C10orf90: variants seen among roughly 807,000 people sequenced by gnomAD.
The protein encoded by C10orf90 is chromosome 10 open reading frame 90.
C10orf90 carries 56 observed loss-of-function variants against 62.5 expected under a neutral mutation model. The observed-to-expected ratio is 0.90, with a 90% confidence interval of 0.72 to 1.12. C10orf90 has a LOEUF of 1.12. Ranked by LOEUF, C10orf90 falls within the 50% of genes most tolerant of loss-of-function variation. The pLI, the probability that C10orf90 is intolerant of heterozygous loss-of-function variation, is 0.00. For missense variants in C10orf90, 970 were observed against 880.4 expected, an observed-to-expected ratio of 1.10 and a Z score of -1.29; for synonymous variants, 386 against 340.4, an observed-to-expected ratio of 1.13 and a Z score of -1.47.
chr10:126,652,313 C>T (rs1257092194), intron 1 of C10orf90, among the ~76,000 whole-genome samples: 2 of 152,108 alleles, frequency 1.3e-5, no homozygotes, highest in Non-Finnish European at 2.9e-5. Context: ...TCTCAATTGC[C>T]TTTTATTACT....
At chr10:126,668,733 G>T (rs1279268504) in intron 1 of C10orf90, among the ~76,000 whole-genome samples, 1 of 152,254 alleles carries the variant, frequency 6.6e-6, no homozygotes, top group East Asian at 1.9e-4. Flanking sequence ...CAGCCCATCA[G>T]ACTGATTGTG....
chr10:126,602,170 G>A (rs1845211110), intron 2 of C10orf90, among the ~76,000 whole-genome samples: 1 of 152,162 alleles, frequency 6.6e-6, no homozygotes, highest in African/African-American at 2.4e-5. Flanking sequence ...AAGCCCTTCT[G>A]ATGAATCACA....
intron 5 of C10orf90, 78 bp downstream of exon 5, chr10:126,464,618 G>T: frequency 7.1e-7 from 1 of 1,410,548 alleles, no homozygotes; most frequent in East Asian, 2.3e-5. Flanking sequence ...CAGTATGCAC[G>T]AGGTCCAGGT....
intron 2 of C10orf90, among the ~76,000 whole-genome samples, chr10:126,553,500 A>C (rs1165756777): frequency 6.6e-6 from 1 of 152,206 alleles, no homozygotes; most frequent in Non-Finnish European, 1.5e-5. Flanking sequence ...GATCATAATG[A>C]TGCTGAAAAA....
chr10:126,606,694 C>G (rs559111725), intron 2 of C10orf90, among the ~76,000 whole-genome samples: 10 of 152,082 alleles, frequency 6.6e-5, no homozygotes, highest in Non-Finnish European at 8.8e-5. Flanking sequence ...AGTGGGGCCC[C>G]GGATGAAAGT....
At chr10:126,431,429 TC>T (rs1240473735) in intron 7 of C10orf90, among the ~76,000 whole-genome samples, 1 of 152,096 alleles carries the variant, frequency 6.6e-6, no homozygotes, top group Non-Finnish European at 1.5e-5. Context: ...CCAAGATGCT[TC>T]CCAGTATCCA....
At chr10:126,474,622 C>G (rs111728516) in intron 4 of C10orf90, among the ~76,000 whole-genome samples, 3 of 152,006 alleles carry the variant, frequency 2.0e-5, no homozygotes, top group Non-Finnish European at 2.9e-5. Context: ...AAAGAAATAT[C>G]GCAAGTATGA....
chr10:126,507,313 C>T (rs538345080), intron 3 of C10orf90, among the ~76,000 whole-genome samples: 63 of 143,220 alleles, frequency 4.4e-4, no homozygotes, highest in African/African-American at 1.3e-3. Flanking sequence ...GCCAAGATCG[C>T]GCCACTGCAC....
At position 126,531,330 on chromosome 10, in the gene C10orf90, C is replaced by T. The variant is rs1864090007; in HGVS notation, c.314-17391G>A. Among the ~76,000 whole-genome samples the T allele has an allele frequency of 4.6e-5, 7 of 152,162 alleles. No homozygotes were observed. In the South Asian group the frequency reaches 1.4e-3, roughly 31 times the overall value. On this transcript the variant is annotated intron_variant, in intron 2 of 9. Coordinates refer to ENST00000488181, the MANE Select transcript of C10orf90 (RefSeq NM_001350921.2). ...TTGTCACCTTTGTGGGAGAATGCAACTGGCATTGGTGGGTAGACGCTAAAG... is the reference window on the plus strand; with the variant it reads ...TTGTCACCTTTGTGGGAGAATGCAATTGGCATTGGTGGGTAGACGCTAAAG...
chr10:126,574,903 C>T (rs896513531), intron 2 of C10orf90, among the ~76,000 whole-genome samples: 24 of 152,218 alleles, frequency 1.6e-4, no homozygotes, highest in African/African-American at 5.8e-4. Context: ...CAGCAAATTT[C>T]ATTTCTCTTG....
chr10:126,452,193 TTTTA>T (rs1859244181), intron 7 of C10orf90, among the ~76,000 whole-genome samples: 1 of 152,160 alleles, frequency 6.6e-6, no homozygotes, highest in South Asian at 2.1e-4. Flanking sequence ...TATATACGAC[TTTTA>T]TTTGTCAATT....
At chr10:126,570,907 G>A (rs1431684272) in intron 2 of C10orf90, among the ~76,000 whole-genome samples, 2 of 152,058 alleles carry the variant, frequency 1.3e-5, no homozygotes, top group African/African-American at 2.4e-5. Flanking sequence ...AATGGAACCC[G>A]TATCAAGATC....
At position 126,465,008 on chromosome 10, in the gene C10orf90, T is replaced by C. The variant is rs1860202952; in HGVS notation, c.1535-22A>G. The C allele has an allele frequency of 3.8e-6, 6 of 1,590,308 alleles. No individual in the cohort carries two copies. In the East Asian group the frequency reaches 6.8e-5, roughly 18 times the overall value. On this transcript the variant is annotated intron_variant, in intron 4 of 9. Coordinates refer to ENST00000488181, the MANE Select transcript of C10orf90 (RefSeq NM_001350921.2). ...TGTACTAAAAATAAAACGAGAGTTG[T>C]GCTCAAAATCTCTTATGAATCCAAT...
chr10:126,552,274 A>T (rs529811999), intron 2 of C10orf90, among the ~76,000 whole-genome samples: 1 of 152,340 alleles, frequency 6.6e-6, no homozygotes, highest in South Asian at 2.1e-4. Flanking sequence ...TATCTGTTGA[A>T]GGAATGAACA....
chr10:126,580,706 G>C (rs1844730680), intron 2 of C10orf90, among the ~76,000 whole-genome samples: 2 of 151,544 alleles, frequency 1.3e-5, no homozygotes, highest in African/African-American at 4.9e-5. Flanking sequence ...CTTCTCCACA[G>C]CACAAACAAG....
At chr10:126,538,571 A>G (rs1467327740) in intron 2 of C10orf90, among the ~76,000 whole-genome samples, 2 of 152,172 alleles carry the variant, frequency 1.3e-5, no homozygotes, top group Non-Finnish European at 1.5e-5. Flanking sequence ...ACTAACACAA[A>G]GGTTTACCAC....
rs114126279 is a variant in C10orf90, at chr10:126,461,441, G to C, written c.1970C>G (p.Ser657Cys). 8.5e-5 allele frequency: 137 copies of C among 1,614,172 alleles called. No individual in the cohort carries two copies. In the African/African-American group the frequency reaches 1.6e-3, roughly 19 times the overall value. ...TCTTGCAGGCGTTTGCTGAGACTCAGAACAGTCTTCGGACAGGCCAGGGCT... is the reference window on the plus strand; with the variant it reads ...TCTTGCAGGCGTTTGCTGAGACTCACAACAGTCTTCGGACAGGCCAGGGCT... Reference protein sequence around the residue: ...AGSPGLSEDCSESQQTPARSL... With the variant: ...AGSPGLSEDCCESQQTPARSL... The change falls in exon 6 of 10, where the codon TCT becomes TGT. Residue 657 changes from serine (S) to cysteine (C), a missense_variant. Transcript: ENST00000488181.
At chr10:126,483,409 G>A (rs1861264763) in intron 4 of C10orf90, among the ~76,000 whole-genome samples, 1 of 152,188 alleles carries the variant, frequency 6.6e-6, no homozygotes, top group Non-Finnish European at 1.5e-5. Context: ...ATTATATCAT[G>A]TGAAAAATCC....
rs530395664 is a variant in C10orf90, at chr10:126,542,780, G to T, written c.314-28841C>A. 9.9e-5 allele frequency among the ~76,000 whole-genome samples: 15 copies of T among 152,266 alleles called. No homozygotes were observed. In the South Asian group the frequency reaches 3.1e-3, roughly 32 times the overall value. ...TTCTTCCCAAACTATTGGCTGAAAT[G>T]TAGACTGGTAGAACATTTACGGGAG... On this transcript the variant is annotated intron_variant, in intron 2 of 9. Transcript: ENST00000488181.
Sources: gnomAD v4.1 joint callset for allele counts (sites outside exome capture counted in the v4.1 genomes callset) on GRCh38, gnomAD v4.1.1 for gene constraint, MANE v1.5 for transcripts, NCBI Gene and HGNC (gene_info 2026-07-23, HGNC 2026-07-21) for gene names.